The following MSRA variants were observed in gnomAD, a reference collection of about 807,000 sequenced individuals.
The protein encoded by MSRA is mitochondrial peptide methionine sulfoxide reductase.
A neutral mutation model predicts 31.3 loss-of-function variants in MSRA; 54 were observed. The observed-to-expected ratio is 1.73, with a 90% CI of 1.39 to 2.17. MSRA has a LOEUF of 2.17. Ranked by LOEUF, MSRA falls within the 30% of genes most tolerant of loss-of-function variation. The probability of loss-of-function intolerance (pLI) is 0.00; values close to 1 mark genes in which losing one functional copy is unlikely to be tolerated. For synonymous variants in MSRA, 169 were observed against 116.5 expected (o/e 1.45, Z -2.90); for missense variants, 507 against 300.9 (o/e 1.69, Z -5.07).
intron 2 of MSRA, among the ~76,000 whole-genome samples, chr8:10,218,967 G>A (rs927158432): frequency 1.3e-5 from 2 of 152,144 alleles, no homozygotes; most frequent in African/African-American, 4.8e-5. Flanking sequence ...ACGGAGCAGC[G>A]ATCTTCTCTC....
intron 2 of MSRA, among the ~76,000 whole-genome samples, chr8:10,241,499 C>G (rs965981108): frequency 1.3e-5 from 2 of 152,164 alleles, no homozygotes; most frequent in African/African-American, 2.4e-5. Context: ...CTTGAAGACA[C>G]TATGTAAATG....
chr8:10,245,669 G>C (rs2952225), intron 3 of MSRA, among the ~76,000 whole-genome samples: 67,571 of 152,074 alleles, frequency 0.44, 15,998 homozygotes, highest in Non-Finnish European at 0.55. Flanking sequence ...TAACTGCCAG[G>C]TGGGGTAATG....
chr8:10,261,202 A>G (rs1798462446), intron 3 of MSRA, among the ~76,000 whole-genome samples: 1 of 152,146 alleles, frequency 6.6e-6, no homozygotes, highest in Non-Finnish European at 1.5e-5. Context: ...ATGAATTGTC[A>G]TGTCTTTAAG....
intron 1 of MSRA, among the ~76,000 whole-genome samples, chr8:10,147,836 C>T (rs932513007): frequency 6.6e-6 from 1 of 152,232 alleles, no homozygotes; most frequent in Non-Finnish European, 1.5e-5. Context: ...GACTGTCACT[C>T]CAGCGAGTTC....
intron 4 of MSRA, among the ~76,000 whole-genome samples, chr8:10,307,599 C>A (rs1801210212): frequency 6.6e-6 from 1 of 152,212 alleles, no homozygotes; most frequent in African/African-American, 2.4e-5. Flanking sequence ...TCACCACTTC[C>A]ACATCATGTA....
intron 1 of MSRA, among the ~76,000 whole-genome samples, chr8:10,142,911 C>G (rs994696410): frequency 1.3e-5 from 2 of 152,140 alleles, no homozygotes; most frequent in African/African-American, 2.4e-5. Flanking sequence ...TCCAAAAACT[C>G]TAATTGAAAA....
intron 1 of MSRA, among the ~76,000 whole-genome samples, chr8:10,163,782 A>T (rs1804876754): frequency 6.6e-6 from 1 of 152,346 alleles, no homozygotes. Flanking sequence ...AGACCCTCCA[A>T]GGGGGCCACA....
intron 2 of MSRA, among the ~76,000 whole-genome samples, chr8:10,241,959 G>A (rs1797348698): frequency 6.6e-6 from 1 of 152,186 alleles, no homozygotes; most frequent in Non-Finnish European, 1.5e-5. Context: ...AAAGAATGGA[G>A]ACAATGTGTT....
At position 10,141,194 on chromosome 8, in the gene MSRA, G is replaced by A. The variant is rs749881269; in HGVS notation, c.143-66639G>A. 8.9e-4 allele frequency among the ~76,000 whole-genome samples: 136 copies of A among 152,320 alleles called. 2 individuals are homozygous for A. In the Middle Eastern group the frequency reaches 0.01, roughly 11 times the overall value. On this transcript the variant is annotated intron_variant, in intron 1 of 5. Transcript: ENST00000317173. ...AACACCCACAGAAATGGGAGTGGAC[G>A]TTATACTGAGTGCTTACCCTGTGCC...
chr8:10,389,906 G>A (rs1300688018), intron 5 of MSRA, among the ~76,000 whole-genome samples: 1 of 151,924 alleles, frequency 6.6e-6, no homozygotes, highest in African/African-American at 2.4e-5. Flanking sequence ...CATGGTGCAC[G>A]GAGCTGCGCT....
rs905023247 is a variant in MSRA, at chr8:10,405,750, CA to C, written c.544-22397del. Among the ~76,000 whole-genome samples the C allele has an allele frequency of 5.0e-4, 76 of 152,008 alleles. 1 individual carries two copies. Among genetic ancestry groups the C allele is most frequent in the African/African-American group, 1.7e-3 (72 of 41,530 alleles). Reference sequence around the variant, plus strand: ...ACAATCACACACGTGTGTTCACACACACCCATGTGCTCACACACACCTATGT... The same window carrying C: ...ACAATCACACACGTGTGTTCACACACCCCATGTGCTCACACACACCTATGT... On this transcript the variant is annotated intron_variant, in intron 5 of 5. Transcript: ENST00000317173.
At chr8:10,373,627 A>G (rs1297739134) in intron 5 of MSRA, among the ~76,000 whole-genome samples, 1 of 152,250 alleles carries the variant, frequency 6.6e-6, no homozygotes, top group Non-Finnish European at 1.5e-5. Context: ...GAAGGGGATC[A>G]GGGTTGGCTT....
At chr8:10,192,745 C>T (rs992169874) in intron 1 of MSRA, among the ~76,000 whole-genome samples, 1 of 152,202 alleles carries the variant, frequency 6.6e-6, no homozygotes, top group Non-Finnish European at 1.5e-5. Context: ...GAATGCTTTT[C>T]TCACTGAAAC....
chr8:10,106,714 A>G (rs1170116663), intron 1 of MSRA, among the ~76,000 whole-genome samples: 2 of 152,302 alleles, frequency 1.3e-5, no homozygotes, highest in East Asian at 1.9e-4. Flanking sequence ...TCACTCTGTC[A>G]TGGGACCACC....
At chr8:10,338,395 C>T (rs1164883280) in intron 5 of MSRA, among the ~76,000 whole-genome samples, 1 of 152,070 alleles carries the variant, frequency 6.6e-6, no homozygotes, top group Non-Finnish European at 1.5e-5. Flanking sequence ...AGTTTCAGAT[C>T]CACAGGAGGA....
At position 10,258,835 on chromosome 8, in the gene MSRA, G is replaced by A. The variant is rs892310334; in HGVS notation, c.331+13612G>A. On this transcript the variant is annotated intron_variant, in intron 3 of 5. Coordinates refer to ENST00000317173, the MANE Select transcript of MSRA (RefSeq NM_012331.5). ...AAGAAGCAGATAGACAGCGAGGTGC[G>A]GAGGCTCATGCCTGTAATCCCAGCA... is the stretch of plus-strand genomic sequence containing the variant. Among the ~76,000 whole-genome samples, 37 of 152,302 alleles carry A rather than the reference G, an allele frequency of 2.4e-4. 1 individual carries two copies. The highest frequency in any genetic ancestry group is 7.2e-4 in the African/African-American group (30 of 41,572).
At chr8:10,150,761 G>A (rs573362963) in intron 1 of MSRA, among the ~76,000 whole-genome samples, 17 of 152,212 alleles carry the variant, frequency 1.1e-4, no homozygotes, top group South Asian at 4.2e-4. Flanking sequence ...TGTGACAAGC[G>A]CGCAGGATTA....
At chr8:10,171,489 C>T (rs897941992) in intron 1 of MSRA, among the ~76,000 whole-genome samples, 1 of 151,944 alleles carries the variant, frequency 6.6e-6, no homozygotes, top group Non-Finnish European at 1.5e-5. Context: ...AAAACAAGGG[C>T]CTTACACCTT....
chr8:10,296,353 A>T (rs999617964), intron 3 of MSRA, among the ~76,000 whole-genome samples: 3 of 152,214 alleles, frequency 2.0e-5, no homozygotes, highest in African/African-American at 7.2e-5. Context: ...GGTTAATAGC[A>T]ATAACAATAG....
Sources: allele counts gnomAD v4.1 joint callset (sites outside exome capture counted in the v4.1 genomes callset), GRCh38; gene constraint gnomAD v4.1.1; transcripts MANE v1.5; gene names NCBI Gene and HGNC (gene_info 2026-07-23, HGNC 2026-07-21).